Variants in PLEKHG4B observed in about 807,000 individuals in gnomAD.
PLEKHG4B encodes the protein pleckstrin homology and RhoGEF domain containing G4B.
PLEKHG4B carries 111 observed loss-of-function variants against 121.3 expected under a neutral mutation model. The ratio of observed to expected loss-of-function variants is 0.92; its 90% confidence interval spans 0.78 to 1.07. The LOEUF is 1.07. Ranked by LOEUF, PLEKHG4B falls within the 50% of genes least tolerant of loss-of-function variation. The probability of loss-of-function intolerance (pLI) is 0.00; values close to 1 mark genes in which losing one functional copy is unlikely to be tolerated. For missense variants in PLEKHG4B, 1,831 were observed against 1,757.8 expected (o/e 1.04, Z -0.74); for synonymous variants, 738 against 725.0 (o/e 1.02, Z -0.29).
At chr5:166,481 C>CA (rs1466138756) in intron 13 of PLEKHG4B, among the ~76,000 whole-genome samples, 3 of 67,334 alleles carry the variant, frequency 4.5e-5, no homozygotes, top group African/African-American at 1.6e-4. Context: ...AATGCTCTGA[C>CA]GGGGCGGGGC....
chr5:108,270 C>T lies in PLEKHG4B; in HGVS notation c.46-4981C>T, dbSNP rs114785381. ...GGTGATTGCTGAACTCTTCAAAGAA[C>T]GTAGAACAGAAACCCAGAGAGGCAA... On this transcript the variant is annotated intron_variant, in intron 1 of 19. Transcript: ENST00000637938. 6.9e-3 allele frequency among the ~76,000 whole-genome samples: 1,049 copies of T among 152,316 alleles called. 8 individuals are homozygous for T. Among genetic ancestry groups the T allele is most frequent in the African/African-American group, 0.02 (839 of 41,550 alleles).
chr5:178,831 C>T (rs114327167), intron 18 of PLEKHG4B, among the ~76,000 whole-genome samples: 1,802 of 152,286 alleles, frequency 0.012, 31 homozygotes, highest in African/African-American at 0.037. Context: ...TTGTTCAAGT[C>T]GCTGATATAA....
intron 2 of PLEKHG4B, among the ~76,000 whole-genome samples, chr5:115,347 GT>G (rs1450080803): frequency 6.6e-6 from 1 of 152,180 alleles, no homozygotes; most frequent in South Asian, 2.1e-4. Context: ...TCCAGGCTTT[GT>G]TGTTCTATTT....
intron 12 of PLEKHG4B, 91 bp downstream of exon 12, chr5:162,035 G>A: frequency 3.4e-6 from 5 of 1,452,606 alleles, no homozygotes; most frequent in Admixed American, 2.3e-5. Flanking sequence ...GCTGGAGTGG[G>A]CCAGGCTGTG....
intron 2 of PLEKHG4B, among the ~76,000 whole-genome samples, chr5:122,418 T>C (rs1734496150): frequency 6.6e-6 from 1 of 151,836 alleles, no homozygotes; most frequent in African/African-American, 2.4e-5. Context: ...TATTTATTTA[T>C]TTATTTATTT....
chr5:103,971 G>T (rs1733897084), intron 1 of PLEKHG4B, among the ~76,000 whole-genome samples: 1 of 152,108 alleles, frequency 6.6e-6, no homozygotes, highest in East Asian at 1.9e-4. Flanking sequence ...TTGTGTTTCT[G>T]TGCCTGGCTT....
At chr5:178,394 A>T (rs1736828667) in intron 18 of PLEKHG4B, among the ~76,000 whole-genome samples, 1 of 152,222 alleles carries the variant, frequency 6.6e-6, no homozygotes, top group African/African-American at 2.4e-5. Flanking sequence ...GAAATGTTGT[A>T]TATCCTAGCA....
chr5:144,917 G>A lies in PLEKHG4B; in HGVS notation c.1902G>A (p.Leu634=). The A allele has an allele frequency of 6.2e-7, 1 of 1,613,000 alleles. No homozygotes were observed. The highest frequency in any genetic ancestry group is 8.5e-7 in the Non-Finnish European group (1 of 1,179,816). The change falls in exon 6 of 20, where the codon TTG becomes TTA. Residue 634 remains leucine (L), a synonymous_variant. Transcript: ENST00000637938. The stretch of plus-strand genomic sequence containing the variant: ...CCGTCTCCCAGGCCCTCTCAGGATT[G>A]CAGGTACGGCAAGGTTGTCATATCC... The part of the protein sequence containing the change: ...APAVSQALSG[L]QNNTSPIIHS...
chr5:108,144 A>G (rs1454316448), intron 1 of PLEKHG4B, among the ~76,000 whole-genome samples: 1 of 152,146 alleles, frequency 6.6e-6, no homozygotes, highest in Non-Finnish European at 1.5e-5. Context: ...GGGGAGTAAG[A>G]CATTTGCTGG....
chr5:162,175 A>G (rs1429769124), intron 12 of PLEKHG4B, among the ~76,000 whole-genome samples: 3 of 152,178 alleles, frequency 2.0e-5, no homozygotes, highest in African/African-American at 7.2e-5. Context: ...GAACACACAC[A>G]TTTCTCTGTG....
chr5:162,096 G>A (rs1034149658), intron 12 of PLEKHG4B, 152 bp downstream of exon 12: 31 of 1,036,750 alleles, frequency 3.0e-5, no homozygotes, highest in Admixed American at 1.7e-4. Context: ...CTGCGCCCAC[G>A]GCTCTCTGGA....
At chr5:176,506 C>T (rs1257560537) in intron 18 of PLEKHG4B, among the ~76,000 whole-genome samples, 1 of 152,206 alleles carries the variant, frequency 6.6e-6, no homozygotes, top group African/African-American at 2.4e-5. Flanking sequence ...GGTCCGTGCT[C>T]GCAAGTGGGG....
Position 142,395 on chromosome 5 carries a change from AACAC to A in PLEKHG4B, c.1478-646_1478-643del, listed in dbSNP as rs369925449. 1.9e-3 allele frequency among the ~76,000 whole-genome samples: 290 copies of A among 152,062 alleles called. 3 individuals carry two copies. The highest frequency in any genetic ancestry group is 7.9e-3 in the Admixed American group (120 of 15,268). ...ATACGACACGCACACAGAATCACAC[AACAC>A]ACACAGTCACATGCCTCACACGATA... On this transcript the variant is annotated intron_variant, in intron 3 of 19. Coordinates refer to ENST00000637938, the MANE Select transcript of PLEKHG4B (RefSeq NM_052909.5).
intron 1 of PLEKHG4B, among the ~76,000 whole-genome samples, chr5:107,128 T>C (rs945114543): frequency 2.0e-5 from 3 of 152,232 alleles, no homozygotes; most frequent in Non-Finnish European, 2.9e-5. Context: ...TCATTATTAA[T>C]GCTCAGCCAA....
intron 1 of PLEKHG4B, among the ~76,000 whole-genome samples, chr5:104,754 A>G (rs1361958614): frequency 1.3e-5 from 2 of 152,230 alleles, no homozygotes; most frequent in African/African-American, 4.8e-5. Flanking sequence ...CATTTCAACC[A>G]CCATTGCCGC....
intron 2 of PLEKHG4B, among the ~76,000 whole-genome samples, chr5:123,748 T>G (rs189409030): frequency 1.3e-5 from 2 of 152,302 alleles, no homozygotes; most frequent in African/African-American, 4.8e-5. Flanking sequence ...TGAATCTTCT[T>G]TTTTCAGTCC....
chr5:96,223 T>C (rs1340552003), intron 1 of PLEKHG4B, among the ~76,000 whole-genome samples: 1 of 152,214 alleles, frequency 6.6e-6, no homozygotes, highest in Non-Finnish European at 1.5e-5. Flanking sequence ...CCTTTAGTCT[T>C]GAGTGATAAT....
At chr5:148,271 G>A (rs1032095404) in intron 6 of PLEKHG4B, among the ~76,000 whole-genome samples, 5 of 150,684 alleles carry the variant, frequency 3.3e-5, no homozygotes, top group Non-Finnish European at 7.4e-5. Context: ...CATCCAAACT[G>A]GAAAGGAAGA....
chr5:104,520 A>G (rs1194820803), intron 1 of PLEKHG4B, among the ~76,000 whole-genome samples: 1 of 152,256 alleles, frequency 6.6e-6, no homozygotes, highest in Non-Finnish European at 1.5e-5. Context: ...GTTGACAACC[A>G]GTAACCCAAT....
Sources: allele counts gnomAD v4.1 joint callset (sites outside exome capture counted in the v4.1 genomes callset), GRCh38; gene constraint gnomAD v4.1.1; transcripts MANE v1.5; gene names NCBI Gene and HGNC (gene_info 2026-07-23, HGNC 2026-07-21).